MANBA: variants seen among roughly 807,000 people sequenced by gnomAD.
The protein encoded by MANBA is mannosidase beta, also known as beta-mannosidase.
A neutral mutation model predicts 111.1 loss-of-function variants in MANBA; 83 were observed. The observed-to-expected ratio is 0.75, with a 90% CI of 0.63 to 0.90. MANBA has a LOEUF of 0.90. Ranked by LOEUF, MANBA falls within the 40% of genes least tolerant of loss-of-function variation. MANBA has a pLI of 0.00. For missense variants in MANBA, 1,036 were observed against 1,069.0 expected, an observed-to-expected ratio of 0.97 and a Z score of 0.43; for synonymous variants, 370 against 378.7, an observed-to-expected ratio of 0.98 and a Z score of 0.27.
intron 1 of MANBA, chr4:102,753,992 G>C: frequency 3.4e-6 from 1 of 296,812 alleles, no homozygotes; most frequent in Non-Finnish European, 6.2e-6. Flanking sequence ...GACAGAGTGA[G>C]ACTCTGTCTC....
intron 7 of MANBA, among the ~76,000 whole-genome samples, chr4:102,684,029 G>A (rs921807923): frequency 6.6e-6 from 1 of 151,846 alleles, no homozygotes; most frequent in African/African-American, 2.4e-5. Flanking sequence ...TCTGCTGTAT[G>A]GGCTGCATTC....
intron 1 of MANBA, among the ~76,000 whole-genome samples, chr4:102,732,342 C>T (rs1723060987): frequency 6.6e-6 from 1 of 152,230 alleles, no homozygotes; most frequent in South Asian, 2.1e-4. Context: ...GGAGGGGCTT[C>T]CCCTCCTTTG....
chr4:102,641,472 C>A (rs945464400), intron 13 of MANBA, among the ~76,000 whole-genome samples: 4 of 152,140 alleles, frequency 2.6e-5, no homozygotes, highest in African/African-American at 9.7e-5. Context: ...TGCAAGGGGG[C>A]TAGAGTGGAT....
Position 102,655,686 on chromosome 4 carries a change from C to G in MANBA, c.1704+1996G>C, listed in dbSNP as rs55850039. On this transcript the variant is annotated intron_variant, in intron 12 of 16. Transcript: ENST00000647097. ...ATAGACTTGAATGCAAGAGCTAAAA[C>G]TATAAAATTCTTAGAAGACAACACA... 4.4e-3 allele frequency among the ~76,000 whole-genome samples: 668 copies of G among 152,230 alleles called. 3 individuals are homozygous for G. The highest frequency in any genetic ancestry group is 0.015 in the African/African-American group (625 of 41,544).
intron 5 of MANBA, among the ~76,000 whole-genome samples, chr4:102,691,756 C>T (rs1407669478): frequency 2.6e-5 from 4 of 152,110 alleles, no homozygotes; most frequent in Non-Finnish European, 5.9e-5. Context: ...AATCCTCCAG[C>T]CTCTACCTCC....
chr4:102,739,346 T>A (rs1033264066), intron 1 of MANBA, among the ~76,000 whole-genome samples: 1 of 152,146 alleles, frequency 6.6e-6, no homozygotes, highest in African/African-American at 2.4e-5. Context: ...CAGGACCAGA[T>A]GGATTCACAG....
intron 4 of MANBA, 155 bp downstream of exon 4, chr4:102,722,716 T>A: frequency 1.4e-6 from 1 of 736,200 alleles, no homozygotes; most frequent in South Asian, 1.6e-5. Flanking sequence ...TCAAATAATC[T>A]TTTGGTTCTT....
At chr4:102,746,971 CAAAAA>C (rs575851183) in intron 1 of MANBA, among the ~76,000 whole-genome samples, 1 of 91,896 alleles carries the variant, frequency 1.1e-5, no homozygotes, top group Admixed American at 1.2e-4. Flanking sequence ...GACTCCATCT[CAAAAA>C]AAAAAAAAAA....
rs145931742 is a variant in MANBA, at chr4:102,673,918, C to A, written c.1112+1G>T. 4 of 1,608,028 alleles carry A rather than the reference C, an allele frequency of 2.5e-6. No individual in the cohort carries two copies. The highest frequency in any genetic ancestry group is 3.4e-6 in the Non-Finnish European group (4 of 1,174,620). On this transcript the variant is annotated splice_donor_variant, in intron 8 of 16. Transcript: ENST00000647097. LOFTEE classifies it high-confidence loss of function. ...ACAAGAAAAGAAAGACAATAACTTA[C>A]AACTCAGAGGTTACTCGGTCCTGGA...
intron 11 of MANBA, chr4:102,662,940 A>T (rs1731037627): frequency 6.5e-6 from 1 of 152,746 alleles, no homozygotes; most frequent in African/African-American, 2.4e-5. Context: ...AAAGGAAAAG[A>T]AAAAGAAGGA....
chr4:102,727,667 C>A, intron 1 of MANBA: 1 of 1,425,470 alleles, frequency 7.0e-7, no homozygotes. Flanking sequence ...CTAAGTTGAA[C>A]GCAGTCTCAG....
chr4:102,657,835 G>A lies in MANBA; in HGVS notation c.1551C>T (p.Ala517=), dbSNP rs750600918. ...TGCTATTAGGGTTTTGAGAGACCCA[G>A]GCTTCTGCAACAGTTTCAGCCCCAT... ...PTNGAETVAE[A]WVSQNPNSNY... Residue 517 remains alanine (A), a synonymous_variant, in exon 12 of 17, where the codon GCC becomes GCT. Transcript: ENST00000647097. 1.9e-6 allele frequency: 3 copies of A among 1,613,856 alleles called. No individual in the cohort carries two copies. Among genetic ancestry groups the A allele is most frequent in the East Asian group, 4.5e-5 (2 of 44,898 alleles).
intron 8 of MANBA, among the ~76,000 whole-genome samples, chr4:102,671,686 T>C (rs970737972): frequency 2.0e-5 from 3 of 152,236 alleles, no homozygotes; most frequent in African/African-American, 7.2e-5. Context: ...TTATAAAAAA[T>C]ACAGTTGTAA....
chr4:102,745,227 A>G (rs182459582), intron 1 of MANBA, among the ~76,000 whole-genome samples: 55 of 152,342 alleles, frequency 3.6e-4, no homozygotes, highest in African/African-American at 1.3e-3. Context: ...TTACCCTGGT[A>G]ATAGACTGGG....
intron 5 of MANBA, among the ~76,000 whole-genome samples, chr4:102,704,783 GC>G: frequency 6.6e-6 from 1 of 151,852 alleles, no homozygotes. Flanking sequence ...CTCTTTTAAT[GC>G]TCTCATGAGC....
At chr4:102,756,797 T>TTA (rs1724039416) in intron 1 of MANBA, among the ~76,000 whole-genome samples, 1 of 72,006 alleles carries the variant, frequency 1.4e-5, no homozygotes, top group Non-Finnish European at 2.6e-5. Context: ...AGAGACTATC[T>TTA]AAAAAAAAAA....
At chr4:102,674,625 T>C (rs1207836461) in intron 7 of MANBA, among the ~76,000 whole-genome samples, 1 of 152,192 alleles carries the variant, frequency 6.6e-6, no homozygotes, top group African/African-American at 2.4e-5. Context: ...GAGATGTACA[T>C]GGTGTTCTAA....
In MANBA at chr4:102,727,585, T is replaced by C. The variant is rs112107515; in HGVS notation, c.178-902A>G. On this transcript the variant is annotated intron_variant, in intron 1 of 16. Transcript: ENST00000647097. ...ACCTGGGGACGAGAGCAATGGGTAATTGAAGCTTTTGGGCTCGGGAGACAG... is the reference window on the plus strand; with the variant it reads ...ACCTGGGGACGAGAGCAATGGGTAACTGAAGCTTTTGGGCTCGGGAGACAG... 3.1e-6 allele frequency: 5 copies of C among 1,606,194 alleles called. No individual in the cohort carries two copies. The South Asian group carries it at 3.3e-5, about 11-fold the overall frequency.
intron 2 of MANBA, among the ~76,000 whole-genome samples, chr4:102,725,265 A>G (rs555254170): frequency 6.6e-6 from 1 of 152,352 alleles, no homozygotes; most frequent in East Asian, 1.9e-4. Context: ...ATATCAATAA[A>G]GTATTTTTTT....
Sources: allele counts gnomAD v4.1 joint callset (sites outside exome capture counted in the v4.1 genomes callset), GRCh38; gene constraint gnomAD v4.1.1; transcripts MANE v1.5; gene names NCBI Gene and HGNC (gene_info 2026-07-23, HGNC 2026-07-21).